Variants in ZBTB20 observed in about 807,000 individuals in gnomAD.
The protein encoded by ZBTB20 is zinc finger and BTB domain containing 20.
ZBTB20 carries 9 observed loss-of-function variants against 56.9 expected under a neutral mutation model. The ratio of observed to expected loss-of-function variants is 0.16; its 90% CI spans 0.10 to 0.28. The LOEUF (loss-of-function observed/expected upper bound fraction) is 0.28. Among genes scored for constraint, ZBTB20 ranks in the 10% least tolerant of loss-of-function variants. The pLI is 1.00. For synonymous variants in ZBTB20, 417 were observed against 420.7 expected, an observed-to-expected ratio of 0.99 and a Z score of 0.11; for missense variants, 655 against 1,003.0, an observed-to-expected ratio of 0.65 and a Z score of 4.69.
chr3:114,918,019 G>A (rs1156259533), intron 3 of ZBTB20, among the ~76,000 whole-genome samples: 2 of 152,060 alleles, frequency 1.3e-5, no homozygotes, highest in African/African-American at 4.8e-5. Flanking sequence ...TAAGATCCAG[G>A]GCCTGGAGTA....
chr3:114,763,478 T>C (rs1413396130), intron 5 of ZBTB20, among the ~76,000 whole-genome samples: 1 of 152,182 alleles, frequency 6.6e-6, no homozygotes, highest in Non-Finnish European at 1.5e-5. Context: ...GTTTTGATCA[T>C]TGCATAGAAC....
At chr3:114,770,969 G>A (rs865948714) in intron 5 of ZBTB20, among the ~76,000 whole-genome samples, 7 of 152,030 alleles carry the variant, frequency 4.6e-5, no homozygotes, top group Non-Finnish European at 8.8e-5. Context: ...TCAGATTTTC[G>A]GATTAGGGAT....
At chr3:114,736,937 A>C (rs1430542572) in intron 5 of ZBTB20, among the ~76,000 whole-genome samples, 1 of 152,220 alleles carries the variant, frequency 6.6e-6, no homozygotes, top group Admixed American at 6.5e-5. Flanking sequence ...GCTACAGATA[A>C]GAAAAGAATG....
intron 6 of ZBTB20, among the ~76,000 whole-genome samples, chr3:114,603,372 C>A (rs919995697): frequency 6.6e-6 from 1 of 151,936 alleles, no homozygotes; most frequent in Non-Finnish European, 1.5e-5. Flanking sequence ...TCCTCAGATC[C>A]TCTTTTACCC....
At chr3:114,346,678 A>G (rs572093555) in intron 11 of ZBTB20, among the ~76,000 whole-genome samples, 13 of 141,420 alleles carry the variant, frequency 9.2e-5, no homozygotes, top group Admixed American at 3.7e-4. Context: ...CTTTGTCTCA[A>G]ACAGATTTTT....
intron 3 of ZBTB20, among the ~76,000 whole-genome samples, chr3:114,912,639 T>C (rs2075587344): frequency 6.6e-6 from 1 of 152,000 alleles, no homozygotes; most frequent in Non-Finnish European, 1.5e-5. Context: ...TATTTTAAAA[T>C]ATACAATTAA....
At chr3:114,802,053 T>A (rs1177780978) in intron 4 of ZBTB20, among the ~76,000 whole-genome samples, 2 of 151,940 alleles carry the variant, frequency 1.3e-5, no homozygotes, top group Non-Finnish European at 2.9e-5. Flanking sequence ...ATTAAAAAAA[T>A]CACATCACAC....
chr3:114,708,934 T>A (rs1251224949), intron 5 of ZBTB20, among the ~76,000 whole-genome samples: 1 of 151,826 alleles, frequency 6.6e-6, no homozygotes, highest in African/African-American at 2.4e-5. Flanking sequence ...AATATTCATC[T>A]ATACCAACCT....
Position 114,946,270 on chromosome 3 carries a change from C to T in ZBTB20, c.-456+28096G>A, listed in dbSNP as rs991078765. Among the ~76,000 whole-genome samples the T allele has an allele frequency of 1.1e-4, 16 of 145,668 alleles. 1 individual carries two copies. Among genetic ancestry groups the T allele is most frequent in the African/African-American group, 4.5e-4 (16 of 35,910 alleles). On this transcript the variant is annotated intron_variant, in intron 3 of 11. Transcript: ENST00000675478. ...AGTATCCTTAAACTGAGTCATATAGCAAGCCTCAATAAATTTTCAAAGTAT... is the reference window on the plus strand; with the variant it reads ...AGTATCCTTAAACTGAGTCATATAGTAAGCCTCAATAAATTTTCAAAGTAT...
chr3:114,350,547 G>C lies in ZBTB20; in HGVS notation c.1531C>G (p.Leu511Val), dbSNP rs1319274213. ...GTAGNTYLPA[L>V]FTTQPAGSGP... is the part of the protein sequence containing the mutation. Reference sequence around the variant, plus strand: ...CTGCCCGCGGGCTGGGTAGTGAAGAGGGCTGGCAGGTAGGTGTTGCCAGCT... The same window carrying C: ...CTGCCCGCGGGCTGGGTAGTGAAGACGGCTGGCAGGTAGGTGTTGCCAGCT... The change falls in exon 11 of 12, where the codon CTC (leucine) becomes GTC (valine). Residue 511 changes from leucine (L) to valine (V), a missense_variant. Around this residue, in one of 10 missense-constraint regions of ZBTB20, gnomAD observed 71 missense variants for 89.4 expected, o/e 0.79. Coordinates refer to ENST00000675478, the MANE Select transcript of ZBTB20 (RefSeq NM_001348800.3). 6.8e-6 allele frequency: 11 copies of C among 1,614,042 alleles called. No individual in the cohort carries two copies. The highest frequency in any genetic ancestry group is 9.3e-6 in the Non-Finnish European group (11 of 1,180,030).
intron 7 of ZBTB20, among the ~76,000 whole-genome samples, chr3:114,398,221 T>C (rs1429135398): frequency 1.4e-5 from 2 of 145,128 alleles, no homozygotes; most frequent in Non-Finnish European, 3.0e-5. Context: ...TAAATGGTTA[T>C]GGTTTACTGC....
At chr3:115,079,153 G>A (rs1409313248) in intron 1 of ZBTB20, among the ~76,000 whole-genome samples, 1 of 152,076 alleles carries the variant, frequency 6.6e-6, no homozygotes. Context: ...ATATGGTAAA[G>A]TTGTCAGATT....
intron 4 of ZBTB20, chr3:114,876,663 A>G (rs1321533374): frequency 6.6e-6 from 1 of 152,122 alleles, no homozygotes; most frequent in Non-Finnish European, 1.5e-5. Context: ...GTTGCTGGAA[A>G]TTCACAAGAG....
chr3:114,472,696 G>A (rs2040277405), intron 7 of ZBTB20, among the ~76,000 whole-genome samples: 1 of 124,598 alleles, frequency 8.0e-6, no homozygotes, highest in Admixed American at 8.9e-5. Context: ...CAACAAGAGC[G>A]AAACTCCATC....
intron 1 of ZBTB20, among the ~76,000 whole-genome samples, chr3:115,126,061 A>G (rs1254481515): frequency 6.6e-6 from 1 of 152,212 alleles, no homozygotes; most frequent in Non-Finnish European, 1.5e-5. Context: ...CCACCATTTC[A>G]CAGAAGGAAA....
Position 114,888,225 on chromosome 3 carries a change from A to G in ZBTB20, c.-417+12079T>C, listed in dbSNP as rs1284809846. Among the ~76,000 whole-genome samples the G allele has an allele frequency of 2.6e-5, 4 of 152,022 alleles. No individual in the cohort carries two copies. The East Asian group carries it at 7.7e-4, about 29-fold the overall frequency. ...TGGAGCCCAGGAGTTTGAGACCAGC[A>G]TGGGCAACATAGTGAGACCCCCATT... is the stretch of plus-strand genomic sequence containing the variant. On this transcript the variant is annotated intron_variant, in intron 4 of 11. Coordinates refer to ENST00000675478, the MANE Select transcript of ZBTB20 (RefSeq NM_001348800.3).
chr3:115,100,686 G>A (rs2083555788), intron 1 of ZBTB20: 1 of 152,170 alleles, frequency 6.6e-6, no homozygotes, highest in Non-Finnish European at 1.5e-5. Context: ...GGAATGTATT[G>A]TTTCAGTTCT....
intron 5 of ZBTB20, among the ~76,000 whole-genome samples, chr3:114,741,887 A>G (rs943147560): frequency 2.0e-5 from 3 of 151,866 alleles, no homozygotes; most frequent in Non-Finnish European, 2.9e-5. Flanking sequence ...AAAAAAAAAA[A>G]AAAGAAAAGA....
chr3:114,841,557 T>C (rs1023476995), intron 4 of ZBTB20, among the ~76,000 whole-genome samples: 2 of 152,116 alleles, frequency 1.3e-5, no homozygotes, highest in African/African-American at 4.8e-5. Context: ...ATGAAGAAGA[T>C]TGAACAGATT....
Sources: allele counts gnomAD v4.1 joint callset (sites outside exome capture counted in the v4.1 genomes callset), GRCh38; gene constraint gnomAD v4.1.1; regional missense constraint gnomAD v4.1.1; transcripts MANE v1.5; gene names NCBI Gene and HGNC (gene_info 2026-07-23, HGNC 2026-07-21).